The following COL22A1 variants were observed in gnomAD, a reference collection of about 807,000 sequenced individuals.
COL22A1 encodes the protein collagen alpha-1(XXII) chain.
COL22A1 carries 221 observed loss-of-function variants against 248.9 expected under a neutral mutation model. That is an observed-to-expected ratio of 0.89 (90% confidence interval 0.80 to 0.99). The LOEUF is 0.99. COL22A1 is among the 50% of genes least tolerant of loss of function. The pLI is 0.00. For missense variants in COL22A1, 2,240 were observed against 2,179.0 expected, an observed-to-expected ratio of 1.03 and a Z score of -0.56; for synonymous variants, 891 against 793.4, an observed-to-expected ratio of 1.12 and a Z score of -2.07.
At chr8:138,732,618 C>A (rs1404303136) in intron 23 of COL22A1, among the ~76,000 whole-genome samples, 1 of 152,154 alleles carries the variant, frequency 6.6e-6, no homozygotes, top group Non-Finnish European at 1.5e-5. Flanking sequence ...TCTAAACAAC[C>A]AAATCATCTA....
intron 22 of COL22A1, among the ~76,000 whole-genome samples, chr8:138,743,724 A>G (rs78946895): frequency 3.9e-5 from 6 of 152,238 alleles, no homozygotes; most frequent in Non-Finnish European, 8.8e-5. Context: ...TTAAATTGCT[A>G]CCCAGCACAA....
chr8:138,619,339 G>A (rs1819575569), intron 53 of COL22A1, 116 bp downstream of exon 53: 2 of 814,532 alleles, frequency 2.5e-6, no homozygotes, highest in Non-Finnish European at 4.1e-6. Context: ...GTCTGGAGGA[G>A]AAGGACTTCT....
intron 30 of COL22A1, among the ~76,000 whole-genome samples, chr8:138,707,815 G>A (rs1456887618): frequency 2.6e-5 from 4 of 152,102 alleles, no homozygotes; most frequent in African/African-American, 9.7e-5. Context: ...GAAATATAGG[G>A]TATTCAATTA....
intron 7 of COL22A1, among the ~76,000 whole-genome samples, chr8:138,814,092 G>A (rs1373488431): frequency 3.3e-5 from 5 of 152,208 alleles, no homozygotes; most frequent in Non-Finnish European, 5.9e-5. Context: ...AGGCCCTTTC[G>A]TGGGACACCC....
chr8:138,899,684 C>T (rs749836984), intron 1 of COL22A1, among the ~76,000 whole-genome samples: 6 of 152,054 alleles, frequency 3.9e-5, no homozygotes, highest in Admixed American at 1.3e-4. Flanking sequence ...CCACCATGCC[C>T]GGCTAATTTT....
At chr8:138,874,319 G>A (rs190222076) in intron 3 of COL22A1, among the ~76,000 whole-genome samples, 17 of 152,272 alleles carry the variant, frequency 1.1e-4, no homozygotes, top group South Asian at 4.1e-4. Context: ...TGATCAGGGC[G>A]GACGTGTGTT....
chr8:138,767,127 C>G (rs2131429375), intron 16 of COL22A1, among the ~76,000 whole-genome samples: 1 of 152,344 alleles, frequency 6.6e-6, no homozygotes, highest in African/African-American at 2.4e-5. Context: ...AATATTAATA[C>G]TTACCCAGTA....
At chr8:138,606,244 C>T in intron 58 of COL22A1, 137 bp downstream of exon 58, 1 of 756,410 alleles carries the variant, frequency 1.3e-6, no homozygotes, top group East Asian at 2.7e-5. Context: ...AACCATGATG[C>T]AACTTTGACC....
chr8:138,700,298 T>C (rs763213616), intron 31 of COL22A1, among the ~76,000 whole-genome samples, 154 bp from the exon 32 acceptor site: 1 of 152,252 alleles, frequency 6.6e-6, no homozygotes, highest in African/African-American at 2.4e-5. Context: ...TTCACATCTT[T>C]CTTTAAAATC....
intron 3 of COL22A1, among the ~76,000 whole-genome samples, chr8:138,859,841 T>C (rs1229994386): frequency 6.6e-6 from 1 of 152,198 alleles, no homozygotes; most frequent in Non-Finnish European, 1.5e-5. Flanking sequence ...CATCCTGGGC[T>C]CTGCTACACC....
At chr8:138,722,182 G>A (rs1829919548) in intron 25 of COL22A1, 93 bp from the exon 26 acceptor site, 2 of 1,106,490 alleles carry the variant, frequency 1.8e-6, no homozygotes, top group Admixed American at 2.5e-5. Context: ...TGTTTTTGCA[G>A]CCAGAATGCA....
At chr8:138,879,243 G>A (rs62528817) in intron 2 of COL22A1, among the ~76,000 whole-genome samples, 9,054 of 152,190 alleles carry the variant, frequency 0.059, 401 homozygotes, top group Non-Finnish European at 0.087. Flanking sequence ...TTCCATGGCT[G>A]CAAAGAGTCC....
chr8:138,606,508 A>G, intron 57 of COL22A1, 56 bp from the exon 58 acceptor site: 1 of 1,552,026 alleles, frequency 6.4e-7, no homozygotes, highest in Non-Finnish European at 8.8e-7. Context: ...ACTCAAGCAG[A>G]TTTGGAAACC....
intron 29 of COL22A1, 78 bp from the exon 30 acceptor site, chr8:138,715,813 A>T: frequency 9.6e-7 from 1 of 1,044,016 alleles, no homozygotes; most frequent in Non-Finnish European, 1.5e-6. Flanking sequence ...TAAGAGCAAC[A>T]TGACTTTGGA....
At chr8:138,719,688 T>A (rs1829721944) in intron 27 of COL22A1, among the ~76,000 whole-genome samples, 1 of 152,182 alleles carries the variant, frequency 6.6e-6, no homozygotes, top group Non-Finnish European at 1.5e-5. Context: ...AGGTATGCCC[T>A]CCCACGGGGT....
intron 7 of COL22A1, among the ~76,000 whole-genome samples, chr8:138,819,834 A>T (rs1818960533): frequency 6.6e-6 from 1 of 151,812 alleles, no homozygotes; most frequent in Non-Finnish European, 1.5e-5. Context: ...AAAGTTAAAA[A>T]TTGTGTATCC....
chr8:138,816,828 A>T (rs1451911873), intron 7 of COL22A1, among the ~76,000 whole-genome samples: 1 of 152,202 alleles, frequency 6.6e-6, no homozygotes, highest in East Asian at 1.9e-4. Context: ...AGAGGTAGAG[A>T]TGTATTGATT....
intron 1 of COL22A1, among the ~76,000 whole-genome samples, chr8:138,888,446 C>G (rs900717370): frequency 6.6e-6 from 1 of 152,200 alleles, no homozygotes; most frequent in African/African-American, 2.4e-5. Flanking sequence ...TGGCATCTGC[C>G]AGGCCCCAGA....
chr8:138,911,768 T>C (rs1815469504), intron 1 of COL22A1, among the ~76,000 whole-genome samples: 1 of 152,228 alleles, frequency 6.6e-6, no homozygotes, highest in Non-Finnish European at 1.5e-5. Context: ...ATAAAACCTT[T>C]CGTGAATCTG....
Sources: gnomAD v4.1 joint callset for allele counts (sites outside exome capture counted in the v4.1 genomes callset) on GRCh38, gnomAD v4.1.1 for gene constraint, MANE v1.5 for transcripts, NCBI Gene and HGNC (gene_info 2026-07-23, HGNC 2026-07-21) for gene names.